Variants in DPP6 observed in about 807,000 individuals in gnomAD.
DPP6 encodes the protein dipeptidyl peptidase like 6.
In DPP6, 69 loss-of-function variants were observed where a neutral mutation model predicts 122.6. That is an observed-to-expected ratio of 0.56 (90% CI 0.46 to 0.69). DPP6 has a LOEUF of 0.69. Ranked by LOEUF, DPP6 falls within the 30% of genes least tolerant of loss-of-function variation. The pLI is 0.00. For missense variants in DPP6, 928 were observed against 1,116.9 expected, an observed-to-expected ratio of 0.83 and a Z score of 2.41; for synonymous variants, 418 against 433.1, an observed-to-expected ratio of 0.97 and a Z score of 0.43.
Position 154,341,433 on chromosome 7 carries a change from C to A in DPP6, c.244-104781C>A, listed in dbSNP as rs76694894. On this transcript the variant is annotated intron_variant, in intron 1 of 25. Coordinates refer to ENST00000377770, the MANE Select transcript of DPP6 (RefSeq NM_130797.4). ...GAAATGAAATCTACAATCGCATGTG[C>A]CTTTCTCATACTCTGTAGTCGCAGA... Among the ~76,000 whole-genome samples the A allele has an allele frequency of 1.2e-4, 19 of 152,058 alleles. No homozygotes were observed. The East Asian group carries it at 3.7e-3, about 30-fold the overall frequency.
intron 4 of DPP6, among the ~76,000 whole-genome samples, chr7:154,565,436 T>C (rs1269387899): frequency 6.6e-6 from 1 of 152,250 alleles, no homozygotes; most frequent in Middle Eastern, 3.2e-3. Context: ...AGATCACTAC[T>C]CAATCAAAGG....
chr7:154,174,118 G>A (rs1461197660), intron 1 of DPP6, among the ~76,000 whole-genome samples: 2 of 152,118 alleles, frequency 1.3e-5, no homozygotes, highest in Non-Finnish European at 2.9e-5. Context: ...GGGTGAGAAC[G>A]GAGTGAGTTG....
intron 1 of DPP6, among the ~76,000 whole-genome samples, chr7:153,928,395 C>CCTTTTTTTTTTTTTTTTTTTTTTTTTTT (rs1467865041): frequency 3.3e-5 from 1 of 29,996 alleles, no homozygotes; most frequent in Non-Finnish European, 6.5e-5. Flanking sequence ...TCTTTTCTTT[C>CCTTTTTTTTTTTTTTTTTTTTTTTTTTT]ATTTTTTTTT....
chr7:154,553,841 C>A (rs769039350), intron 4 of DPP6, among the ~76,000 whole-genome samples: 2 of 147,974 alleles, frequency 1.4e-5, no homozygotes, highest in Non-Finnish European at 3.0e-5. Context: ...CTGGAGGCCA[C>A]TACATTTGCC....
At chr7:154,162,191 C>T (rs903840103) in intron 1 of DPP6, among the ~76,000 whole-genome samples, 15 of 150,546 alleles carry the variant, frequency 1.0e-4, no homozygotes, top group Non-Finnish European at 1.8e-4. Flanking sequence ...GGTGTTGGCC[C>T]GGGAACCCGC....
chr7:154,737,287 C>G (rs1219010683), intron 8 of DPP6, among the ~76,000 whole-genome samples: 1 of 152,184 alleles, frequency 6.6e-6, no homozygotes, highest in East Asian at 1.9e-4. Context: ...TGCACCCACC[C>G]TTCTTCAATC....
intron 1 of DPP6, chr7:154,058,852 T>C (rs1293631448): frequency 7.4e-6 from 1 of 134,434 alleles, no homozygotes; most frequent in African/African-American, 2.9e-5. Flanking sequence ...TGGCTGTTAG[T>C]ACCCCCATCG....
intron 1 of DPP6, among the ~76,000 whole-genome samples, chr7:154,181,832 C>A (rs1194642477): frequency 1.3e-5 from 2 of 151,002 alleles, no homozygotes; most frequent in African/African-American, 2.4e-5. Flanking sequence ...TCACTGAAAC[C>A]TCCGCCTCCC....
intron 1 of DPP6, among the ~76,000 whole-genome samples, chr7:153,964,181 A>G (rs989251406): frequency 5.3e-5 from 8 of 152,072 alleles, no homozygotes; most frequent in African/African-American, 1.9e-4. Context: ...TTTTTAGTAC[A>G]GACGGGGTTT....
chr7:153,870,369 T>G, the DPP6 span, among the ~76,000 whole-genome samples: 1 of 152,228 alleles, frequency 6.6e-6, no homozygotes, highest in Non-Finnish European at 1.5e-5. Context: ...CTTTTTTCTC[T>G]AAACTTCTCT....
chr7:154,207,139 A>G (rs372484908), intron 1 of DPP6, among the ~76,000 whole-genome samples: 11 of 152,152 alleles, frequency 7.2e-5, no homozygotes, highest in African/African-American at 2.6e-4. Context: ...GCAAAGCCAC[A>G]TTAACACACC....
At chr7:154,837,838 A>G (rs7803808) in intron 16 of DPP6, among the ~76,000 whole-genome samples, 97,776 of 152,088 alleles carry the variant, frequency 0.64, 33,749 homozygotes, top group East Asian at 0.83. Context: ...TTTCCCCAGT[A>G]TTGGTGAGGT....
Position 154,707,010 on chromosome 7 carries a change from C to T in DPP6, c.763-20757C>T, listed in dbSNP as rs577020778. ...AATTTTAGATTATCTACAAGCATTT[C>T]TCTTTCTTGGCACTACACTCTGCCC... is the stretch of plus-strand genomic sequence containing the variant. On this transcript the variant is annotated intron_variant, in intron 7 of 25. Coordinates refer to ENST00000377770, the MANE Select transcript of DPP6 (RefSeq NM_130797.4). Among the ~76,000 whole-genome samples, 45 of 152,316 alleles carry T rather than the reference C, an allele frequency of 3.0e-4. No homozygotes were observed. The South Asian group carries it at 8.9e-3, about 30-fold the overall frequency.
chr7:153,926,719 C>G (rs559222413), intron 1 of DPP6, among the ~76,000 whole-genome samples: 1 of 152,132 alleles, frequency 6.6e-6, no homozygotes, highest in East Asian at 1.9e-4. Flanking sequence ...AGAGAAATCA[C>G]TTGCCGATTA....
At position 154,248,823 on chromosome 7, in the gene DPP6, G is replaced by T. The variant is rs373625139; in HGVS notation, c.243+195760G>T. Among the ~76,000 whole-genome samples the T allele has an allele frequency of 2.0e-5, 3 of 151,508 alleles. No individual in the cohort carries two copies. In the South Asian group the frequency reaches 6.3e-4, roughly 32 times the overall value. On this transcript the variant is annotated intron_variant, in intron 1 of 25. Coordinates refer to ENST00000377770, the MANE Select transcript of DPP6 (RefSeq NM_130797.4). ...GGAGGTTGCAGTGAGCCGAGATTGCGCCACTGCACTCCAGCCTCAGCAACA... is the reference window on the plus strand; with the variant it reads ...GGAGGTTGCAGTGAGCCGAGATTGCTCCACTGCACTCCAGCCTCAGCAACA...
chr7:154,835,108 A>C (rs924612345), intron 16 of DPP6, among the ~76,000 whole-genome samples: 2 of 152,060 alleles, frequency 1.3e-5, no homozygotes, highest in African/African-American at 4.8e-5. Context: ...TTATTTCCCC[A>C]CAAAATGTGT....
intron 1 of DPP6, among the ~76,000 whole-genome samples, chr7:154,046,836 G>A (rs1800039661): frequency 6.6e-6 from 1 of 152,134 alleles, no homozygotes; most frequent in African/African-American, 2.4e-5. Flanking sequence ...CTAAATCTTA[G>A]TCCAGATGCA....
At chr7:154,072,740 T>C (rs1378159888) in intron 1 of DPP6, among the ~76,000 whole-genome samples, 1 of 152,244 alleles carries the variant, frequency 6.6e-6, no homozygotes, top group African/African-American at 2.4e-5. Context: ...TGCCCGTTTG[T>C]TTGGGGGACT....
chr7:153,873,712 T>A, the DPP6 span, among the ~76,000 whole-genome samples: 1 of 152,174 alleles, frequency 6.6e-6, no homozygotes, highest in East Asian at 1.9e-4. Context: ...CCTTCGGAAA[T>A]GGAAGACTGC....
Sources: allele counts gnomAD v4.1 joint callset (sites outside exome capture counted in the v4.1 genomes callset), GRCh38; gene constraint gnomAD v4.1.1; transcripts MANE v1.5; gene names NCBI Gene and HGNC (gene_info 2026-07-23, HGNC 2026-07-21).